Variants in RAI1 observed in about 807,000 individuals in gnomAD.
The protein encoded by RAI1 is retinoic acid induced 1, also known as retinoic acid-induced protein 1.
RAI1 carries 9 observed loss-of-function variants against 123.8 expected under a neutral mutation model. The observed-to-expected ratio is 0.07, with a 90% CI of 0.04 to 0.13. The LOEUF (loss-of-function observed/expected upper bound fraction) is 0.13. Ranked by LOEUF, RAI1 falls within the 10% of genes least tolerant of loss-of-function variation. The pLI, the probability that RAI1 is intolerant of heterozygous loss-of-function variation, is 1.00. For synonymous variants in RAI1, 1,231 were observed against 1,127.3 expected, an observed-to-expected ratio of 1.09 and a Z score of -1.84; for missense variants, 2,256 against 2,545.8, an observed-to-expected ratio of 0.89 and a Z score of 2.45.
At position 17,810,162 on chromosome 17, in the gene RAI1, C is replaced by T. The variant is rs2032703775; in HGVS notation, c.*181C>T. On this transcript the variant is annotated 3_prime_UTR_variant, in exon 6 of 6. Transcript: ENST00000353383. The surrounding 1 kb of genome is among the most constrained non-coding windows in gnomAD (Gnocchi z 4.6). ...CGCCTAGGGCTCAGACTTGCGGCCC[C>T]GGGTTGGGAGGAAAACCCGTTCCGG... The T allele has an allele frequency of 2.2e-6, 2 of 907,076 alleles. No homozygotes were observed. The highest frequency in any genetic ancestry group is 3.2e-6 in the Non-Finnish European group (2 of 627,500). 56.2% of individuals were successfully genotyped at this position (907,076 alleles called of 1,614,324 possible).
At chr17:17,724,342 A>G (rs1197563414) in intron 2 of RAI1, among the ~76,000 whole-genome samples, 183 bp downstream of exon 2, 1 of 146,696 alleles carries the variant, frequency 6.8e-6, no homozygotes, top group Non-Finnish European at 1.5e-5. Flanking sequence ...GCGGATTTGC[A>G]TGTTTGGGGG....
At chr17:17,807,258 C>CGGGGGGGGGGGGGGGGGGGGGGG (rs1432018630) in intron 4 of RAI1, among the ~76,000 whole-genome samples, 1 of 4,422 alleles carries the variant, frequency 2.3e-4, no homozygotes, top group Non-Finnish European at 6.0e-4. Flanking sequence ...GTGGGGGGGG[C>CGGGGGGGGGGGGGGGGGGGGGGG]GGGGGGGTGG....
intron 2 of RAI1, among the ~76,000 whole-genome samples, chr17:17,763,862 G>A (rs1465982874): frequency 6.6e-6 from 1 of 152,238 alleles, no homozygotes; most frequent in Non-Finnish European, 1.5e-5. Context: ...CTCATGCCAG[G>A]TCTCTGACCA....
At chr17:17,785,195 G>A (rs547387098) in intron 2 of RAI1, among the ~76,000 whole-genome samples, 1 of 152,328 alleles carries the variant, frequency 6.6e-6, no homozygotes, top group Admixed American at 6.5e-5. Flanking sequence ...GGCACTAGGG[G>A]CTCTGGAGGA....
At chr17:17,686,726 G>C (rs1021362595) in intron 1 of RAI1, among the ~76,000 whole-genome samples, 2 of 151,746 alleles carry the variant, frequency 1.3e-5, no homozygotes, top group Admixed American at 6.6e-5. Flanking sequence ...ATGGAAGTGG[G>C]GGGACGGCAA....
chr17:17,751,416 G>A (rs2030165577), intron 2 of RAI1, among the ~76,000 whole-genome samples: 1 of 152,162 alleles, frequency 6.6e-6, no homozygotes, highest in Non-Finnish European at 1.5e-5. Flanking sequence ...AGATCCTTCC[G>A]ACCCACACTG....
At chr17:17,717,607 A>C (rs1915750334) in intron 1 of RAI1, among the ~76,000 whole-genome samples, 4 of 145,622 alleles carry the variant, frequency 2.7e-5, no homozygotes, top group African/African-American at 5.2e-5. Context: ...CATCCTCCCC[A>C]CTCCCCAATC....
At chr17:17,767,659 T>G (rs2030991331) in intron 2 of RAI1, among the ~76,000 whole-genome samples, 1 of 152,240 alleles carries the variant, frequency 6.6e-6, no homozygotes, top group African/African-American at 2.4e-5. Flanking sequence ...TTTGGAAGGC[T>G]TGCTGTGTGC....
intron 2 of RAI1, 58 bp from the exon 3 acceptor site, chr17:17,792,875 C>CT: frequency 4.5e-6 from 4 of 880,628 alleles, no homozygotes; most frequent in Admixed American, 2.2e-5. Context: ...TGCCCCCTCC[C>CT]TGCCCATCCT....
intron 1 of RAI1, among the ~76,000 whole-genome samples, chr17:17,697,213 G>A (rs989769774): frequency 1.3e-5 from 2 of 152,240 alleles, no homozygotes; most frequent in Non-Finnish European, 2.9e-5. Flanking sequence ...CCAAGGCTTT[G>A]GGGAAAAAGC....
At chr17:17,717,288 A>C (rs561827655) in intron 1 of RAI1, among the ~76,000 whole-genome samples, 3 of 152,260 alleles carry the variant, frequency 2.0e-5, no homozygotes, top group Admixed American at 2.0e-4. Flanking sequence ...AACAAGGGGC[A>C]GAGAGAAGAA....
In RAI1 at chr17:17,797,528, G is replaced by T. The variant is rs140883438; in HGVS notation, c.4580G>T (p.Gly1527Val). ...CAGACAAGGGCACAGAAACAGCCAG[G>T]CCACACCAACTACAGCAGCTATTCC... is the stretch of plus-strand genomic sequence containing the variant. The part of the protein sequence containing the change: ...QPQTRAQKQP[G>V]HTNYSSYSKR... Residue 1527 changes from glycine to valine, a missense_variant, in exon 3 of 6, where the codon GGC becomes GTC. Around this residue, in one of 7 missense-constraint regions of RAI1, gnomAD observed 410 missense variants for 374.6 expected, o/e 1.09. Transcript: ENST00000353383. 1.2e-6 allele frequency: 2 copies of T among 1,613,962 alleles called. No individual in the cohort carries two copies. Among genetic ancestry groups the T allele is most frequent in the South Asian group, 1.1e-5 (1 of 91,086 alleles).
chr17:17,717,470 C>T (rs1038973047), intron 1 of RAI1, among the ~76,000 whole-genome samples: 1 of 152,090 alleles, frequency 6.6e-6, no homozygotes, highest in Admixed American at 6.5e-5. Context: ...CCAAGTGAGA[C>T]TGAGAGAAGA....
intron 2 of RAI1, among the ~76,000 whole-genome samples, chr17:17,774,533 G>GCC (rs2031270848): frequency 1.3e-5 from 2 of 152,358 alleles, no homozygotes; most frequent in South Asian, 4.1e-4. Context: ...TCTGGCCACT[G>GCC]CCCCGCCAGG....
At chr17:17,802,552 G>A (rs1410238529) in intron 3 of RAI1, among the ~76,000 whole-genome samples, 1 of 151,352 alleles carries the variant, frequency 6.6e-6, no homozygotes, top group African/African-American at 2.4e-5. Flanking sequence ...TGAGGTGGGC[G>A]GATCACGAGG....
At chr17:17,731,556 G>A (rs563510227) in intron 2 of RAI1, among the ~76,000 whole-genome samples, 18 of 152,298 alleles carry the variant, frequency 1.2e-4, no homozygotes, top group Non-Finnish European at 2.2e-4. Context: ...AGTGAGCACC[G>A]CTGGAGCAAA....
chr17:17,685,955 C>T lies in RAI1; in HGVS notation c.-149+4162C>T, dbSNP rs562555624. Among the ~76,000 whole-genome samples, 211 of 152,332 alleles carry T rather than the reference C, an allele frequency of 1.4e-3. No individual in the cohort carries two copies. The highest frequency in any genetic ancestry group is 4.9e-3 in the African/African-American group (205 of 41,564). On this transcript the variant is annotated intron_variant, in intron 1 of 5. Transcript: ENST00000353383. This position sits in a 1 kb window ranked among gnomAD's most constrained non-coding sequence, Gnocchi z 4.0. ...CCCTGCCGCCCCAGACCAAAACAGA[C>T]GTCCTGTCTCCTCCTCCTCTGACCT... is the stretch of plus-strand genomic sequence containing the variant.
intron 1 of RAI1, among the ~76,000 whole-genome samples, chr17:17,698,424 C>G (rs1301805273): frequency 1.3e-5 from 2 of 152,224 alleles, no homozygotes; most frequent in African/African-American, 4.8e-5. Context: ...CTAGGCCCAG[C>G]CCTGGCCCAG....
At chr17:17,742,040 A>T (rs1026763443) in intron 2 of RAI1, among the ~76,000 whole-genome samples, 1 of 152,280 alleles carries the variant, frequency 6.6e-6, no homozygotes. Flanking sequence ...GTTTGCTGAA[A>T]AGGCAGTAAC....
Sources: allele counts gnomAD v4.1 joint callset (sites outside exome capture counted in the v4.1 genomes callset), GRCh38; gene constraint gnomAD v4.1.1; regional missense constraint gnomAD v4.1.1; non-coding constraint Gnocchi (gnomAD v3.1); transcripts MANE v1.5; gene names NCBI Gene and HGNC (gene_info 2026-07-23, HGNC 2026-07-21).